Variants in PDZD8 observed in about 807,000 individuals in gnomAD.
PDZD8 encodes PDZ domain containing 8.
In PDZD8, 14 loss-of-function variants were observed where a neutral mutation model predicts 85.8. That is an observed-to-expected ratio of 0.16 (90% CI 0.11 to 0.26). The LOEUF (loss-of-function observed/expected upper bound fraction) is 0.26. Among genes scored for constraint, PDZD8 ranks in the 10% least tolerant of loss-of-function variants. The pLI is 1.00. For missense variants in PDZD8, 1,197 were observed against 1,424.3 expected (o/e 0.84, Z 2.57); for synonymous variants, 592 against 568.6 (o/e 1.04, Z -0.59).
intron 2 of PDZD8, among the ~76,000 whole-genome samples, chr10:117,326,485 C>CT (rs1219209857): frequency 1.3e-5 from 2 of 152,336 alleles, no homozygotes; most frequent in Middle Eastern, 3.4e-3. Flanking sequence ...TAATGCCTTG[C>CT]TTAAGCTTTC....
chr10:117,319,455 C>T (rs1288535970), intron 2 of PDZD8, among the ~76,000 whole-genome samples: 1 of 150,570 alleles, frequency 6.6e-6, no homozygotes, highest in Non-Finnish European at 1.5e-5. Flanking sequence ...CTAATGTGAC[C>T]TCAGGCAAAT....
chr10:117,368,851 GTTTTT>G (rs3034161), intron 1 of PDZD8, among the ~76,000 whole-genome samples: 3 of 99,070 alleles, frequency 3.0e-5, no homozygotes, highest in African/African-American at 7.3e-5. Context: ...TATTGACAAT[GTTTTT>G]TTTTTTTTTT....
intron 1 of PDZD8, among the ~76,000 whole-genome samples, chr10:117,373,513 T>G (rs1209211359): frequency 6.6e-6 from 1 of 150,458 alleles, no homozygotes; most frequent in Non-Finnish European, 1.5e-5. Flanking sequence ...ATCCTAACAC[T>G]TTGGGAGGCC....
At chr10:117,359,920 C>T (rs866861043) in intron 1 of PDZD8, among the ~76,000 whole-genome samples, 10 of 151,844 alleles carry the variant, frequency 6.6e-5, no homozygotes, top group Admixed American at 1.3e-4. Context: ...TTTCTGTATT[C>T]CTACAGAGAA....
intron 4 of PDZD8, among the ~76,000 whole-genome samples, chr10:117,288,465 T>A (rs993906709): frequency 8.3e-4 from 127 of 152,294 alleles, no homozygotes; most frequent in Non-Finnish European, 1.3e-3. Flanking sequence ...TTCTTTTTTT[T>A]AAAACAATGA....
At chr10:117,290,724 C>T (rs980311112) in intron 3 of PDZD8, among the ~76,000 whole-genome samples, 1 of 151,944 alleles carries the variant, frequency 6.6e-6, no homozygotes, top group African/African-American at 2.4e-5. Flanking sequence ...TGAGATTTGT[C>T]TCAATAATAC....
chr10:117,356,207 A>G (rs1157446385), intron 1 of PDZD8, among the ~76,000 whole-genome samples: 1 of 152,066 alleles, frequency 6.6e-6, no homozygotes, highest in Non-Finnish European at 1.5e-5. Flanking sequence ...TTTTAGAGAC[A>G]ACTGTGTTAA....
intron 1 of PDZD8, among the ~76,000 whole-genome samples, chr10:117,365,536 C>T (rs554541614): frequency 2.8e-4 from 43 of 151,980 alleles, no homozygotes; most frequent in African/African-American, 8.9e-4. Context: ...GTGAGTTTGT[C>T]GCTCATTTGA....
chr10:117,369,133 C>G (rs569272078), intron 1 of PDZD8, among the ~76,000 whole-genome samples: 1 of 151,556 alleles, frequency 6.6e-6, no homozygotes, highest in South Asian at 2.1e-4. Flanking sequence ...CACGCCAGGC[C>G]TGACAATGTC....
At position 117,315,600 on chromosome 10, in the gene PDZD8, A is replaced by AAAC. The variant is rs1554853452; in HGVS notation, c.1098+3271_1098+3272insGTT. Among the ~76,000 whole-genome samples, 37 of 145,340 alleles carry AAAC rather than the reference A, an allele frequency of 2.5e-4. 1 individual carries two copies. The highest frequency in any genetic ancestry group is 3.5e-3 in the Middle Eastern group (1 of 282). On this transcript the variant is annotated intron_variant, in intron 3 of 4. Transcript: ENST00000334464. ...GCTAGACTCTCTCAAAAAAAAAAAAAAAAAAAAAAAAACAATAATCTATTT... is the reference window on the plus strand; with the variant it reads ...GCTAGACTCTCTCAAAAAAAAAAAAAAACAAAAAAAAAAAACAATAATCTATTT...
intron 1 of PDZD8, among the ~76,000 whole-genome samples, chr10:117,356,794 C>T (rs1213061219): frequency 3.3e-5 from 5 of 152,008 alleles, no homozygotes; most frequent in African/African-American, 9.7e-5. Context: ...CTTATAAGTC[C>T]GGGGTAATTA....
chr10:117,373,062 C>CA (rs1178967463), intron 1 of PDZD8, among the ~76,000 whole-genome samples: 7 of 152,016 alleles, frequency 4.6e-5, no homozygotes, highest in Non-Finnish European at 8.8e-5. Context: ...TTAGTGAATA[C>CA]AAAATTAAAG....
chr10:117,316,618 A>C (rs1176209933), intron 3 of PDZD8, among the ~76,000 whole-genome samples: 1 of 152,130 alleles, frequency 6.6e-6, no homozygotes, highest in Non-Finnish European at 1.5e-5. Context: ...TGATCCCAGG[A>C]GTTGGAGGCT....
chr10:117,295,271 A>G (rs1843735844), intron 3 of PDZD8, among the ~76,000 whole-genome samples: 1 of 152,176 alleles, frequency 6.6e-6, no homozygotes, highest in African/African-American at 2.4e-5. Flanking sequence ...TTGCAATGTA[A>G]CTTTACTAAA....
At chr10:117,333,517 C>G (rs895777345) in intron 2 of PDZD8, among the ~76,000 whole-genome samples, 1 of 152,150 alleles carries the variant, frequency 6.6e-6, no homozygotes, top group African/African-American at 2.4e-5. Context: ...TATTATTTAG[C>G]CTCATTTGCT....
Position 117,342,246 on chromosome 10 carries a change from T to A in PDZD8, c.873-1144A>T, listed in dbSNP as rs1159670020. Among the ~76,000 whole-genome samples, 4 of 152,130 alleles carry A rather than the reference T, an allele frequency of 2.6e-5. No homozygotes were observed. The East Asian group carries it at 7.7e-4, about 29-fold the overall frequency. ...TTTTAATTTAAAACACAACTCATAC[T>A]CCTCCATTAAAGCTAAAGAAAAAGA... On this transcript the variant is annotated intron_variant, in intron 1 of 4. Coordinates refer to ENST00000334464, the MANE Select transcript of PDZD8 (RefSeq NM_173791.5).
chr10:117,358,895 T>TATTTATCATATATATTTATC (rs1163402191), intron 1 of PDZD8, among the ~76,000 whole-genome samples: 2 of 152,172 alleles, frequency 1.3e-5, no homozygotes, highest in Non-Finnish European at 2.9e-5. Context: ...TTTATCTATA[T>TATTTATCATATATATTTATC]TAAGGATGAA....
intron 3 of PDZD8, among the ~76,000 whole-genome samples, chr10:117,306,784 A>G (rs1238791111): frequency 2.0e-5 from 3 of 152,084 alleles, no homozygotes; most frequent in Admixed American, 6.6e-5. Flanking sequence ...AGATTTTCCA[A>G]TTATTAACAT....
chr10:117,287,023 T>TGCTA (rs1844675984), intron 4 of PDZD8, among the ~76,000 whole-genome samples: 1 of 152,178 alleles, frequency 6.6e-6, no homozygotes, highest in Non-Finnish European at 1.5e-5. Flanking sequence ...ACTCTGTGCA[T>TGCTA]GCTATCACCT....
Sources: gnomAD v4.1 joint callset for allele counts (sites outside exome capture counted in the v4.1 genomes callset) on GRCh38, gnomAD v4.1.1 for gene constraint, MANE v1.5 for transcripts, NCBI Gene and HGNC (gene_info 2026-07-23, HGNC 2026-07-21) for gene names.